Variants in TTN observed in about 807,000 individuals in gnomAD.
The protein encoded by TTN is titin.
Under a neutral mutation model 3,223.0 loss-of-function variants are expected in TTN, and 1,525 were observed. The observed-to-expected ratio is 0.47, with a 90% confidence interval of 0.45 to 0.49. TTN has a LOEUF of 0.49. Ranked by LOEUF, TTN falls within the 20% of genes least tolerant of loss-of-function variation. TTN has a pLI of 0.00. For missense variants in TTN, 40,786 were observed against 43,424.0 expected (o/e 0.94, Z 5.40); for synonymous variants, 14,094 against 15,161.0 (o/e 0.93, Z 5.17).
At position 178,572,281 on chromosome 2, in the gene TTN, A is replaced by G; in HGVS notation, c.73851T>C (p.Pro24617=). The part of the protein sequence containing the change: ...TAESVKASER[P]LPPGKITLMD... ...TCAAAGTTATTTTTCCTGGAGGAAG[A>G]GGTCGTTCTGATGCTTTCACAGATT... Residue 24617 remains proline, a synonymous_variant, in exon 326 of 363, where the codon CCT becomes CCC. Coordinates refer to ENST00000589042, the MANE Select transcript of TTN (RefSeq NM_001267550.2). 1.2e-6 allele frequency: 2 copies of G among 1,613,002 alleles called. No homozygotes were observed. Among genetic ancestry groups the G allele is most frequent in the Non-Finnish European group, 8.5e-7 (1 of 1,179,282 alleles).
At position 178,725,395 on chromosome 2, in the gene TTN, C is replaced by T; in HGVS notation, c.20809G>A (p.Glu6937Lys). 6.3e-7 allele frequency: 1 copy of T among 1,593,722 alleles called. No homozygotes were observed. ...CQIKNDGGMR[E>K]NMATLMVLEP... ...AAGACCATCAGTGTGGCCATGTTCT[C>T]CCTCATTCCACCATCATTCTTGATT... The change falls in exon 71 of 363, where the codon GAG becomes AAG. Residue 6937 changes from glutamate to lysine, a missense_variant. Glu to Lys is a moderately conservative substitution (Grantham distance 56). Coordinates refer to ENST00000589042, the MANE Select transcript of TTN (RefSeq NM_001267550.2).
chr2:178,749,956 T>A (rs778793127), intron 47 of TTN: 54 of 1,613,130 alleles, frequency 3.3e-5, no homozygotes, highest in Non-Finnish European at 4.4e-5. Context: ...CAGACAAAAA[T>A]ACAAATCTGT....
chr2:178,527,699 G>A lies in TTN; in HGVS notation c.107427C>T (p.Asp35809=), dbSNP rs752446817. ...ACGAGAAGCTTCCTTGCAAGCTTGT[G>A]TCACCACTTGTTCTCAATACTACCT... ...SREVVLRTSG[D]TSLQGSFSSQ... The change falls in exon 362 of 363, where the codon GAC becomes GAT. Residue 35809 remains aspartate (D), a synonymous_variant. Coordinates refer to ENST00000589042, the MANE Select transcript of TTN (RefSeq NM_001267550.2). 8 of 1,612,736 alleles carry A rather than the reference G, an allele frequency of 5.0e-6. No homozygotes were observed. Among genetic ancestry groups the A allele is most frequent in the Non-Finnish European group, 6.8e-6 (8 of 1,178,944 alleles).
At chr2:178,714,196 T>C in intron 91 of TTN, 21 bp from the exon 92 acceptor site, 1 of 1,596,022 alleles carries the variant, frequency 6.3e-7, no homozygotes, top group Non-Finnish European at 8.5e-7. Flanking sequence ...ATGTAAAAGA[T>C]ATCCATATTT....
At position 178,775,439 on chromosome 2, in the gene TTN, G is replaced by C; in HGVS notation, c.6425C>G (p.Thr2142Ser). Residue 2142 changes from threonine to serine, a missense_variant, in exon 28 of 363, where the codon ACT (threonine) becomes AGT (serine). Transcript: ENST00000589042. Reference sequence around the variant, plus strand: ...CATGATGCTGGCAGAGTCCTCAGCAGTCACATCTCTTATGACCAATTCACA... The same window carrying C: ...CATGATGCTGGCAGAGTCCTCAGCACTCACATCTCTTATGACCAATTCACA... ...NVCELVIRDV[T>S]AEDSASIMVK... is the part of the protein sequence containing the mutation. 6.2e-6 allele frequency: 10 copies of C among 1,614,010 alleles called. No homozygotes were observed. Among genetic ancestry groups the C allele is most frequent in the Non-Finnish European group, 8.5e-6 (10 of 1,179,978 alleles).
At chr2:178,536,701 G>A in intron 356 of TTN, 126 bp from the exon 357 acceptor site, 1 of 919,826 alleles carries the variant, frequency 1.1e-6, no homozygotes, top group Non-Finnish European at 1.5e-6. Context: ...CCAGAAAGAT[G>A]AAATTGGTTA....
In TTN at chr2:178,545,656, C is replaced by A. The variant is rs375987179; in HGVS notation, c.95454G>T (p.Gly31818=). Residue 31818 remains glycine (G), a synonymous_variant, in exon 344 of 363, where the codon GGG becomes GGT. Coordinates refer to ENST00000589042, the MANE Select transcript of TTN (RefSeq NM_001267550.2). ...PSPPGIPEEV[G]TGKEHIIIQW... ...GAATGATGATATGCTCTTTGCCAGTCCCAACTTCTTCAGGTATGCCGGGTG... is the reference window on the plus strand; with the variant it reads ...GAATGATGATATGCTCTTTGCCAGTACCAACTTCTTCAGGTATGCCGGGTG... 1.2e-6 allele frequency: 2 copies of A among 1,613,536 alleles called. No individual in the cohort carries two copies. Among genetic ancestry groups the A allele is most frequent in the African/African-American group, 2.7e-5 (2 of 74,880 alleles).
chr2:178,595,692 A>G lies in TTN; in HGVS notation c.57662T>C (p.Ile19221Thr), dbSNP rs907612053. ...TCTGCGGTCAGATTCACGCTTTTCA[A>G]TGACATAATTGGTGATTGGAGAGCC... ...DGGSPITNYV[I>T]EKRESDRRAW... is the part of the protein sequence containing the mutation. Residue 19221 changes from isoleucine to threonine, a missense_variant, in exon 295 of 363, where the codon ATT becomes ACT. Physicochemically the swap from Ile to Thr is moderately conservative, Grantham distance 89 (BLOSUM62 -1). Coordinates refer to ENST00000589042, the MANE Select transcript of TTN (RefSeq NM_001267550.2). 9.9e-6 allele frequency: 16 copies of G among 1,608,782 alleles called. No homozygotes were observed. The highest frequency in any genetic ancestry group is 1.6e-4 in the Middle Eastern group (1 of 6,078).
Position 178,573,334 on chromosome 2 carries a change from G to T in TTN, c.72798C>A (p.Gly24266=). The T allele has an allele frequency of 1.3e-6, 2 of 1,550,692 alleles. No homozygotes were observed. Among genetic ancestry groups the T allele is most frequent in the Non-Finnish European group, 8.7e-7 (1 of 1,149,302 alleles). ...TTTTGTTGCATTTAATCCAGCGTTGGCCAGCTTTATCACGCCGTTCCACAA... is the reference window on the plus strand; with the variant it reads ...TTTTGTTGCATTTAATCCAGCGTTGTCCAGCTTTATCACGCCGTTCCACAA... The part of the protein sequence containing the change: ...NYIVERRDKA[G]QRWIKCNKKT... Residue 24266 remains glycine (G), a synonymous_variant, in exon 326 of 363, where the codon GGC becomes GGA. Transcript: ENST00000589042.
intron 219 of TTN, 84 bp downstream of exon 219, chr2:178,642,153 C>A: frequency 3.4e-6 from 4 of 1,192,920 alleles, no homozygotes; most frequent in Non-Finnish European, 3.4e-6. Context: ...CAAAGAAAAC[C>A]AAAGGACAGA....
Position 178,667,300 on chromosome 2 carries a change from G to A in TTN, c.35733C>T (p.Gly11911=). 6.2e-7 allele frequency: 1 copy of A among 1,604,086 alleles called. No individual in the cohort carries two copies. The highest frequency in any genetic ancestry group is 8.5e-7 in the Non-Finnish European group (1 of 1,175,254). ...PATKEPDTTR[G]IFPEVEPPEA... is the part of the protein sequence containing the mutation. ...CAGGTGGCTCCACCTCTGGAAAAAT[G>A]CCTCTGGTTGTATCAGGTTCTTTAA... The change falls in exon 162 of 363, where the codon GGC becomes GGT. Residue 11911 remains glycine (G), a synonymous_variant. Transcript: ENST00000589042.
intron 159 of TTN, among the ~76,000 whole-genome samples, chr2:178,668,433 A>G (rs998171851): frequency 9.9e-5 from 15 of 151,844 alleles, no homozygotes; most frequent in African/African-American, 3.6e-4. Flanking sequence ...TTTTTAGATT[A>G]AAAAAAATGG....
chr2:178,787,141 T>C (rs1382453201), intron 13 of TTN, among the ~76,000 whole-genome samples: 1 of 152,188 alleles, frequency 6.6e-6, no homozygotes, highest in Non-Finnish European at 1.5e-5. Context: ...TACCTGTGAA[T>C]AGAATCTAGA....
rs2078204761 is a variant in TTN, at chr2:178,720,632, T to C, written c.23130A>G (p.Pro7710=). Residue 7710 remains proline, a synonymous_variant, in exon 80 of 363, where the codon CCA becomes CCG. Transcript: ENST00000589042. ...APPVFTQKPS[P]VGALKGSDVI... is the part of the protein sequence containing the mutation. ...CATCAGAACCTTTAAGAGCTCCTAC[T>C]GGAGAAGGCTTCTGGGTGAAAACAG... 1 of 1,604,208 alleles carries C rather than the reference T, an allele frequency of 6.2e-7. No homozygotes were observed. The highest frequency in any genetic ancestry group is 1.3e-5 in the African/African-American group (1 of 74,284).
At chr2:178,593,907 A>C in intron 297 of TTN, 40 bp from the exon 298 acceptor site, 1 of 1,607,800 alleles carries the variant, frequency 6.2e-7, no homozygotes, top group Non-Finnish European at 8.5e-7. Flanking sequence ...TGTTATTGCC[A>C]TTTCTGCTTT....
rs752300467 is a variant in TTN at position 178,569,586 on chromosome 2, G to T, written c.76546C>A (p.Leu25516Ile). ...EAPDIDLDLE[L>I]RKIINIRAGG... The stretch of plus-strand genomic sequence containing the variant: ...GCCCTTATATTTATGATTTTCCTTA[G>T]TTCTAGGTCAAGATCAATGTCTGGT... Residue 25516 changes from leucine to isoleucine, a missense_variant, in exon 326 of 363, where the codon CTA becomes ATA. Physicochemically the swap from Leu to Ile is conservative, Grantham distance 5. Coordinates refer to ENST00000589042, the MANE Select transcript of TTN (RefSeq NM_001267550.2). 10 of 1,612,646 alleles carry T rather than the reference G, an allele frequency of 6.2e-6. No individual in the cohort carries two copies. The South Asian group carries it at 1.1e-4, about 18-fold the overall frequency.
chr2:178,615,762 T>A lies in TTN; in HGVS notation c.48339A>T (p.Glu16113Asp). Reference sequence around the variant, plus strand: ...CTTGAACAAGATCAGGAACTGTGAATTCTAGATCAGTCACAAAGTCCATAA... The same window carrying A: ...CTTGAACAAGATCAGGAACTGTGAAATCTAGATCAGTCACAAAGTCCATAA... ...TKVMDFVTDL[E>D]FTVPDLVQGK... The change falls in exon 258 of 363, where the codon GAA becomes GAT. Residue 16113 changes from glutamate to aspartate, a missense_variant. By Grantham distance (45) the Glu-to-Asp change is conservative. Coordinates refer to ENST00000589042, the MANE Select transcript of TTN (RefSeq NM_001267550.2). The A allele has an allele frequency of 6.2e-7, 1 of 1,611,892 alleles. No individual in the cohort carries two copies. Among genetic ancestry groups the A allele is most frequent in the South Asian group, 1.1e-5 (1 of 90,948 alleles).
rs775115560 is a variant in TTN at position 178,565,183 on chromosome 2, A to G, written c.80949T>C (p.Asp26983=). ...PGPPVGPVRF[D]EVSADFVVIS... is the part of the protein sequence containing the mutation. ...TGACTACAAAGTCTGCACTAACTTC[A>G]TCAAACCGAACTGGGCCAACTGGAG... Residue 26983 remains aspartate, a synonymous_variant, in exon 326 of 363, where the codon GAT becomes GAC. Coordinates refer to ENST00000589042, the MANE Select transcript of TTN (RefSeq NM_001267550.2). 1.2e-5 allele frequency: 19 copies of G among 1,613,404 alleles called. No individual in the cohort carries two copies. In the East Asian group the frequency reaches 3.1e-4, roughly 27 times the overall value.
At position 178,774,370 on chromosome 2, in the gene TTN, T is replaced by C; in HGVS notation, c.6894A>G (p.Lys2298=). ...CIVSPENIEG[K]WYHNDVELKS... ...TAAGCTCCACATCATTATGATACCA[T>C]TTTCCTTCTATATTTTCTGGGGATA... is the stretch of plus-strand genomic sequence containing the variant. Residue 2298 remains lysine, a synonymous_variant, in exon 30 of 363, where the codon AAA becomes AAG. Coordinates refer to ENST00000589042, the MANE Select transcript of TTN (RefSeq NM_001267550.2). 5.0e-6 allele frequency: 8 copies of C among 1,614,060 alleles called. No individual in the cohort carries two copies. The highest frequency in any genetic ancestry group is 6.8e-6 in the Non-Finnish European group (8 of 1,179,944).
Sources: allele counts gnomAD v4.1 joint callset (sites outside exome capture counted in the v4.1 genomes callset), GRCh38; gene constraint gnomAD v4.1.1; transcripts MANE v1.5; gene names NCBI Gene and HGNC (gene_info 2026-07-23, HGNC 2026-07-21).